The following SUSD2 variants were observed in gnomAD, a reference collection of about 807,000 sequenced individuals.
SUSD2 encodes the protein sushi domain containing 2.
Under a neutral mutation model 93.8 loss-of-function variants are expected in SUSD2, and 86 were observed. The observed-to-expected ratio is 0.92, with a 90% CI of 0.77 to 1.10. The LOEUF (loss-of-function observed/expected upper bound fraction) is 1.10. SUSD2 is among the 50% of genes least tolerant of loss of function. The probability of loss-of-function intolerance (pLI) is 0.00; values close to 1 mark genes in which losing one functional copy is unlikely to be tolerated. For synonymous variants in SUSD2, 483 were observed against 485.0 expected (o/e 1.00, Z 0.05); for missense variants, 1,060 against 1,137.0 (o/e 0.93, Z 0.97).
At chr22:24,187,027 C>T in intron 10 of SUSD2, 175 bp from the exon 11 acceptor site, 1 of 762,818 alleles carries the variant, frequency 1.3e-6, no homozygotes, top group Non-Finnish European at 2.1e-6. Context: ...CCACCGCAAG[C>T]ATGGCAGGGG....
chr22:24,183,732 T>C (rs1357012069), intron 3 of SUSD2, 86 bp downstream of exon 3: 2 of 1,434,484 alleles, frequency 1.4e-6, no homozygotes, highest in Non-Finnish European at 1.9e-6. Flanking sequence ...GGCCTGTCCG[T>C]GCCCTGCCTC....
At position 24,183,122 on chromosome 22, in the gene SUSD2, T is replaced by G. The variant is rs1418696648; in HGVS notation, c.142T>G (p.Cys48Gly). 2 of 1,614,052 alleles carry G rather than the reference T, an allele frequency of 1.2e-6. No homozygotes were observed. The highest frequency in any genetic ancestry group is 4.5e-5 in the East Asian group (2 of 44,892). The part of the protein sequence containing the change: ...LDGPCSCHPT[C>G]SGLGTCCLDF... ...CGGGCCATGTTCCTGCCACCCGACG[T>G]GCTCTGGCCTTGGCACCTGCTGCTT... The change falls in exon 2 of 15, where the codon TGC becomes GGC. Residue 48 changes from cysteine to glycine, a missense_variant. Around this residue, in one of 2 missense-constraint regions of SUSD2, gnomAD observed 87 missense variants for 131.6 expected, o/e 0.66. Coordinates refer to ENST00000358321, the MANE Select transcript of SUSD2 (RefSeq NM_019601.4).
rs1017201404 is a variant in SUSD2, at chr22:24,188,844, C to G, written c.*408C>G. 1 of 191,940 alleles carries G rather than the reference C, an allele frequency of 5.2e-6. No homozygotes were observed. Among genetic ancestry groups the G allele is most frequent in the Admixed American group, 5.5e-5 (1 of 18,312 alleles). 11.9% of individuals were successfully genotyped at this position (191,940 alleles called of 1,614,324 possible). ...CTCCCCAGAGCCTGATGCCGGGGCC[C>G]CTGACCCCTGATCTACGGAGGCCTG... On this transcript the variant is annotated 3_prime_UTR_variant, in exon 15 of 15. Transcript: ENST00000358321. This position sits in a 1 kb window ranked among gnomAD's most constrained non-coding sequence, Gnocchi z 4.7.
Position 24,183,132 on chromosome 22 carries a change from T to G in SUSD2, c.152T>G (p.Leu51Arg). The G allele has an allele frequency of 2.5e-6, 4 of 1,614,052 alleles. No homozygotes were observed. The highest frequency in any genetic ancestry group is 2.2e-5 in the East Asian group (1 of 44,894). ...PCSCHPTCSG[L>R]GTCCLDFRDF... ...TCCTGCCACCCGACGTGCTCTGGCC[T>G]TGGCACCTGCTGCTTGGATTTCCGG... The change falls in exon 2 of 15, where the codon CTT becomes CGT. Residue 51 changes from leucine (L) to arginine (R), a missense_variant. Leu to Arg is a moderately radical substitution (Grantham distance 102). Around this residue, in one of 2 missense-constraint regions of SUSD2, gnomAD observed 87 missense variants for 131.6 expected, o/e 0.66. Transcript: ENST00000358321.
At chr22:24,187,520 G>C in intron 11 of SUSD2, 51 bp from the exon 12 acceptor site, 1 of 1,603,016 alleles carries the variant, frequency 6.2e-7, no homozygotes, top group Non-Finnish European at 8.5e-7. Flanking sequence ...GGCAGGGCTT[G>C]GGGACCAAAG....
chr22:24,187,002 G>C, intron 10 of SUSD2, 200 bp from the exon 11 acceptor site: 1 of 642,852 alleles, frequency 1.6e-6, no homozygotes, highest in Non-Finnish European at 2.7e-6. Flanking sequence ...TGCACCTCAG[G>C]TGCCGCTGGG....
At chr22:24,183,799 C>T (rs2047342204) in intron 3 of SUSD2, 153 bp downstream of exon 3, 2 of 873,124 alleles carry the variant, frequency 2.3e-6, no homozygotes, top group Admixed American at 5.4e-5. Context: ...CCTTCAGCTC[C>T]TTTCCACTCC....
chr22:24,188,179 T>C lies in SUSD2; in HGVS notation c.2341+44T>C, dbSNP rs2047383521. ...TACACCTGCCTGCACCTGTCCCCAC[T>C]CACCACCCCAGAGAGCCCCCTCACT... is the stretch of plus-strand genomic sequence containing the variant. On this transcript the variant is annotated intron_variant, in intron 13 of 14. Coordinates refer to ENST00000358321, the MANE Select transcript of SUSD2 (RefSeq NM_019601.4). The surrounding 1 kb of genome is among the most constrained non-coding windows in gnomAD (Gnocchi z 4.7). The C allele has an allele frequency of 1.3e-6, 2 of 1,596,014 alleles. No homozygotes were observed. Among genetic ancestry groups the C allele is most frequent in the Admixed American group, 1.7e-5 (1 of 59,320 alleles).
Position 24,188,221 on chromosome 22 carries a change from CCAGGACG to C in SUSD2, c.2342_2348del (p.Gly781AlafsTer122). The C allele has an allele frequency of 6.3e-7, 1 of 1,593,472 alleles. No homozygotes were observed. Among genetic ancestry groups the C allele is most frequent in the Non-Finnish European group, 8.6e-7 (1 of 1,167,146 alleles). Reference sequence around the variant, plus strand: ...CCCCTCACTGACACTCGCTCCCTCACCAGGACGCAGCTACGCGGTGCTGTTGGGCATC... The same window carrying C: ...CCCCTCACTGACACTCGCTCCCTCACCAGCTACGCGGTGCTGTTGGGCATC... On this transcript the variant is annotated splice_acceptor_variant and splice_polypyrimidine_tract_variant and coding_sequence_variant and intron_variant, in exon 14 of 15. Transcript: ENST00000358321. LOFTEE classifies it high-confidence loss of function. The surrounding 1 kb of genome is among the most constrained non-coding windows in gnomAD (Gnocchi z 4.7).
chr22:24,187,819 C>T lies in SUSD2; in HGVS notation c.2140C>T (p.Arg714Cys), dbSNP rs981347670. 5 of 1,583,082 alleles carry T rather than the reference C, an allele frequency of 3.2e-6. No homozygotes were observed. Among genetic ancestry groups the T allele is most frequent in the Middle Eastern group, 1.7e-4 (1 of 5,978 alleles). Residue 714 changes from arginine to cysteine, a missense_variant, in exon 12 of 15, where the codon CGT (arginine) becomes TGT (cysteine). Coordinates refer to ENST00000358321, the MANE Select transcript of SUSD2 (RefSeq NM_019601.4). ...ATRVAHQLHQ[R>C]RMQSLQPVVS... ...TCGGGTGGCCCACCAGCTGCACCAG[C>T]GTCGCATGCAGAGCCTGCAGCCAGG... is the stretch of plus-strand genomic sequence containing the variant.
Position 24,188,194 on chromosome 22 carries a change from G to C in SUSD2, c.2342-31G>C, listed in dbSNP as rs368920467. 1.3e-6 allele frequency: 2 copies of C among 1,590,610 alleles called. No individual in the cohort carries two copies. The highest frequency in any genetic ancestry group is 2.7e-5 in the African/African-American group (2 of 74,574). ...CTGTCCCCACTCACCACCCCAGAGA[G>C]CCCCCTCACTGACACTCGCTCCCTC... On this transcript the variant is annotated intron_variant, in intron 13 of 14. Coordinates refer to ENST00000358321, the MANE Select transcript of SUSD2 (RefSeq NM_019601.4). The surrounding 1 kb of genome is among the most constrained non-coding windows in gnomAD (Gnocchi z 4.7).
intron 1 of SUSD2, 98 bp downstream of exon 1, chr22:24,181,693 G>A: frequency 1.0e-6 from 1 of 977,970 alleles, no homozygotes; most frequent in South Asian, 1.7e-5. Flanking sequence ...CTGTCCATCT[G>A]TCAGGCCATC....
chr22:24,186,455 C>A, intron 10 of SUSD2, 40 bp downstream of exon 10: 1 of 1,602,410 alleles, frequency 6.2e-7, no homozygotes. Flanking sequence ...GCTGCCCTCA[C>A]CTCCTCCCCA....
At chr22:24,182,681 C>T (rs1488284509) in intron 1 of SUSD2, 4 of 213,468 alleles carry the variant, frequency 1.9e-5, no homozygotes, top group East Asian at 1.1e-4. Context: ...CAAGAGAGGT[C>T]GAGGGCTCCA....
intron 1 of SUSD2, among the ~76,000 whole-genome samples, chr22:24,182,272 C>T (rs554374790): frequency 1.3e-5 from 2 of 152,312 alleles, no homozygotes; most frequent in South Asian, 4.1e-4. Context: ...CCCTGCAACC[C>T]TTCCTTCATG....
chr22:24,186,191 G>A, intron 9 of SUSD2, 32 bp downstream of exon 9: 1 of 1,608,234 alleles, frequency 6.2e-7, no homozygotes, highest in Non-Finnish European at 8.5e-7. Context: ...GCTCTGGTTG[G>A]CATGGGGTAG....
At chr22:24,183,753 C>CCAGT (rs2047341791) in intron 3 of SUSD2, 107 bp downstream of exon 3, 1 of 1,317,842 alleles carries the variant, frequency 7.6e-7, no homozygotes, top group Non-Finnish European at 1.0e-6. Flanking sequence ...TCTGGCTGAA[C>CCAGT]CAGTCCCTTG....
At chr22:24,183,457 C>A (rs1170021509) in intron 2 of SUSD2, 38 bp from the exon 3 acceptor site, 3 of 1,593,168 alleles carry the variant, frequency 1.9e-6, no homozygotes, top group Non-Finnish European at 2.6e-6. Flanking sequence ...GCTCAGCCTG[C>A]AATGACCCAG....
In SUSD2 at chr22:24,185,518, C is replaced by T. The variant is rs776808738; in HGVS notation, c.1017C>T (p.Ser339=). ...TDYGCDMEQG[S]VCTYHPGAVH... ...ACGGCTGTGACATGGAGCAGGGCAG[C>T]GTGTGCACCTACCACCCCGGGGCCG... is the stretch of plus-strand genomic sequence containing the variant. Residue 339 remains serine (S), a synonymous_variant, in exon 7 of 15, where the codon AGC becomes AGT. Transcript: ENST00000358321. 7 of 1,576,374 alleles carry T rather than the reference C, an allele frequency of 4.4e-6. No homozygotes were observed. The highest frequency in any genetic ancestry group is 1.3e-5 in the African/African-American group (1 of 74,094).
Sources: gnomAD v4.1 joint callset for allele counts (sites outside exome capture counted in the v4.1 genomes callset) on GRCh38, gnomAD v4.1.1 for gene constraint, gnomAD v4.1.1 regional missense constraint, Gnocchi (gnomAD v3.1) non-coding constraint, MANE v1.5 for transcripts, NCBI Gene and HGNC (gene_info 2026-07-23, HGNC 2026-07-21) for gene names.